Variants in LUZP1 observed in about 807,000 individuals in gnomAD.
The protein encoded by LUZP1 is filamin mechanobinding actin cross-linking protein.
Under a neutral mutation model 71.3 loss-of-function variants are expected in LUZP1, and 25 were observed. The ratio of observed to expected loss-of-function variants is 0.35; its 90% CI spans 0.26 to 0.49. The LOEUF is 0.49. LUZP1 is among the 20% of genes least tolerant of loss of function. The probability of loss-of-function intolerance (pLI) is 0.99; values close to 1 mark genes in which losing one functional copy is unlikely to be tolerated. For missense variants in LUZP1, 1,142 were observed against 1,300.8 expected (o/e 0.88, Z 1.88); for synonymous variants, 481 against 506.4 (o/e 0.95, Z 0.67).
intron 2 of LUZP1, chr1:23,164,179 C>T (rs980078274): frequency 4.6e-5 from 7 of 152,066 alleles, no homozygotes; most frequent in Admixed American, 2.0e-4. Context: ...TCAGACAAAT[C>T]CATGGGTGAG....
exon 4 of LUZP1, chr1:23,092,717 G>A: frequency 6.2e-7 from 1 of 1,614,042 alleles, no homozygotes; most frequent in East Asian, 2.2e-5. Flanking sequence ...CAGATCCATG[G>A]GTGGTGTCAC....
At chr1:23,131,787 G>C (rs1344731399) in intron 2 of LUZP1, among the ~76,000 whole-genome samples, 1 of 152,202 alleles carries the variant, frequency 6.6e-6, no homozygotes, top group Non-Finnish European at 1.5e-5. Flanking sequence ...CTGGGTTCAA[G>C]TGATTCTCTT....
intron 3 of LUZP1, among the ~76,000 whole-genome samples, chr1:23,105,070 G>T (rs894084918): frequency 2.6e-5 from 4 of 152,202 alleles, no homozygotes; most frequent in Non-Finnish European, 5.9e-5. Flanking sequence ...ACCTGTATTG[G>T]ACAAAGGGAT....
At chr1:23,156,600 A>G (rs919670219) in intron 2 of LUZP1, among the ~76,000 whole-genome samples, 8 of 152,192 alleles carry the variant, frequency 5.3e-5, no homozygotes, top group African/African-American at 1.7e-4. Context: ...AGAGAATTCC[A>G]ATTTAATTGT....
intron 2 of LUZP1, among the ~76,000 whole-genome samples, chr1:23,161,094 T>C (rs1048229420): frequency 6.6e-6 from 1 of 152,162 alleles, no homozygotes; most frequent in African/African-American, 2.4e-5. Flanking sequence ...AGGTGCTGAA[T>C]TGGGAATATG....
chr1:23,116,258 G>A (rs895874938), intron 2 of LUZP1, among the ~76,000 whole-genome samples: 1 of 152,136 alleles, frequency 6.6e-6, no homozygotes, highest in Non-Finnish European at 1.5e-5. Flanking sequence ...GCGTATGCCT[G>A]TAGTCCCAGC....
chr1:23,168,500 G>A (rs564590469), intron 2 of LUZP1, among the ~76,000 whole-genome samples: 103 of 129,556 alleles, frequency 8.0e-4, no homozygotes, highest in African/African-American at 3.0e-3. Flanking sequence ...TCCCCCTCCC[G>A]AGGAAAAATC....
chr1:23,169,367 ACT>A (rs1393801720), intron 1 of LUZP1, among the ~76,000 whole-genome samples: 1 of 151,988 alleles, frequency 6.6e-6, no homozygotes, highest in Admixed American at 6.6e-5. Context: ...AAAGCGGGAC[ACT>A]CTCAGTAGGG....
In LUZP1 at chr1:23,115,776, A is replaced by G. The variant is rs543360239; in HGVS notation, c.-225-6649T>C. Reference sequence around the variant, plus strand: ...GGCTGGTTCTCAAACTCCTGACCTCAAGTAATCCACCCACCTCAGCCTCCC... The same window carrying G: ...GGCTGGTTCTCAAACTCCTGACCTCGAGTAATCCACCCACCTCAGCCTCCC... On this transcript the variant is annotated intron_variant, in intron 2 of 4. Coordinates refer to ENST00000302291, the Ensembl canonical transcript of LUZP1. Among the ~76,000 whole-genome samples the G allele has an allele frequency of 1.2e-4, 18 of 152,156 alleles. No homozygotes were observed. The South Asian group carries it at 3.7e-3, about 32-fold the overall frequency.
intron 2 of LUZP1, among the ~76,000 whole-genome samples, chr1:23,158,647 CAAAAAAAAAAAAAAAAA>C (rs56919514): frequency 1.3e-4 from 8 of 59,916 alleles, no homozygotes; most frequent in East Asian, 4.8e-4. Context: ...GACTCTGTCT[CAAAAAAAAAAAAAAAAA>C]AAAAAAAAAA....
intron 2 of LUZP1, among the ~76,000 whole-genome samples, chr1:23,131,153 A>G (rs1333491607): frequency 8.1e-6 from 1 of 124,142 alleles, no homozygotes; most frequent in Non-Finnish European, 1.6e-5. Flanking sequence ...CGGGAGATGG[A>G]GGTTGTAGTG....
chr1:23,114,239 G>A (rs751302733), intron 2 of LUZP1, among the ~76,000 whole-genome samples: 34 of 152,180 alleles, frequency 2.2e-4, no homozygotes, highest in Non-Finnish European at 3.5e-4. Flanking sequence ...GAGTTTTCTA[G>A]TGGTCCTAAA....
chr1:23,116,541 G>A (rs1417702115), intron 2 of LUZP1, among the ~76,000 whole-genome samples: 5 of 148,780 alleles, frequency 3.4e-5, no homozygotes, highest in African/African-American at 1.3e-4. Flanking sequence ...AAGAAAGTTG[G>A]CCAAATCAGA....
intron 2 of LUZP1, among the ~76,000 whole-genome samples, chr1:23,130,288 A>G (rs1644204104): frequency 6.6e-6 from 1 of 152,188 alleles, no homozygotes; most frequent in Non-Finnish European, 1.5e-5. Flanking sequence ...TATTACTATG[A>G]TAGATGTACT....
intron 4 of LUZP1, chr1:23,090,958 G>C: frequency 1.4e-6 from 1 of 718,628 alleles, no homozygotes. Context: ...ATATACGAGA[G>C]CAAAATGAAG....
intron 2 of LUZP1, among the ~76,000 whole-genome samples, chr1:23,119,925 GTT>G (rs1484899234): frequency 6.6e-6 from 1 of 151,484 alleles, no homozygotes; most frequent in Non-Finnish European, 1.5e-5. Flanking sequence ...TCAAGTCCAG[GTT>G]TTGTTTTTTG....
At chr1:23,137,507 G>C (rs1376988753) in intron 2 of LUZP1, among the ~76,000 whole-genome samples, 5 of 152,152 alleles carry the variant, frequency 3.3e-5, no homozygotes, top group Admixed American at 6.5e-5. Context: ...CGGGTGTGGT[G>C]GTAGGCACCT....
chr1:23,125,723 G>C (rs1324905582), intron 2 of LUZP1, among the ~76,000 whole-genome samples: 1 of 152,148 alleles, frequency 6.6e-6, no homozygotes, highest in Non-Finnish European at 1.5e-5. Context: ...TCTTAACATG[G>C]AGGACACAGT....
In LUZP1 at chr1:23,089,141, C is replaced by T; in HGVS notation, c.3073-88G>A. 5 of 1,320,684 alleles carry T rather than the reference C, an allele frequency of 3.8e-6. No individual in the cohort carries two copies. The South Asian group carries it at 6.5e-5, about 17-fold the overall frequency. 81.8% of individuals were successfully genotyped at this position (1,320,684 alleles called of 1,614,324 possible). ...CACCTGCTACCATAGTGGGTCCTTTCCAACCCAGCAGAGGCAGATATAGCC... is the reference window on the plus strand; with the variant it reads ...CACCTGCTACCATAGTGGGTCCTTTTCAACCCAGCAGAGGCAGATATAGCC... On this transcript the variant is annotated intron_variant, in intron 4 of 4. Coordinates refer to ENST00000302291, the Ensembl canonical transcript of LUZP1.
Sources: allele counts gnomAD v4.1 joint callset (sites outside exome capture counted in the v4.1 genomes callset), GRCh38; gene constraint gnomAD v4.1.1; transcripts MANE v1.5; gene names NCBI Gene and HGNC (gene_info 2026-07-23, HGNC 2026-07-21).